The following SLC38A7 variants were observed in gnomAD, a reference collection of about 807,000 sequenced individuals.
The protein encoded by SLC38A7 is sodium-coupled neutral amino acid transporter 7.
SLC38A7 carries 29 observed loss-of-function variants against 50.1 expected under a neutral mutation model. The ratio of observed to expected loss-of-function variants is 0.58; its 90% CI spans 0.43 to 0.79. The LOEUF (loss-of-function observed/expected upper bound fraction) is 0.79. Among genes scored for constraint, SLC38A7 ranks in the 30% least tolerant of loss-of-function variants. The pLI is 0.00. For missense variants in SLC38A7, 483 were observed against 610.6 expected (o/e 0.79, Z 2.20); for synonymous variants, 244 against 245.9 (o/e 0.99, Z 0.07).
chr16:58,682,778 C>A (rs1403441441), intron 2 of SLC38A7, among the ~76,000 whole-genome samples: 4 of 151,576 alleles, frequency 2.6e-5, no homozygotes, highest in Non-Finnish European at 5.9e-5. Context: ...ATTACAGGTG[C>A]CCGCCACCAT....
At chr16:58,676,222 G>C in intron 7 of SLC38A7, 67 bp downstream of exon 7, 1 of 1,605,834 alleles carries the variant, frequency 6.2e-7, no homozygotes. Context: ...CCTCCTCCTT[G>C]CTGGGTTCCA....
At position 58,676,109 on chromosome 16, in the gene SLC38A7, C is replaced by T. The variant is rs2044260980; in HGVS notation, c.769-55G>A. The T allele has an allele frequency of 2.5e-6, 4 of 1,586,578 alleles. No individual in the cohort carries two copies. In the East Asian group the frequency reaches 9.0e-5, roughly 36 times the overall value. Reference sequence around the variant, plus strand: ...GGGAAATGACCTCAACCCCAGTTTCCAGAGGAAGGTACCTTGGGAACAAAG... The same window carrying T: ...GGGAAATGACCTCAACCCCAGTTTCTAGAGGAAGGTACCTTGGGAACAAAG... On this transcript the variant is annotated intron_variant, in intron 7 of 11. Coordinates refer to ENST00000219320, the MANE Select transcript of SLC38A7 (RefSeq NM_018231.3).
At chr16:58,677,929 C>T (rs909806984) in intron 5 of SLC38A7, among the ~76,000 whole-genome samples, 6 of 152,016 alleles carry the variant, frequency 3.9e-5, no homozygotes, top group Admixed American at 6.6e-5. Context: ...TTTCAGACAC[C>T]GAGACAGGAA....
chr16:58,681,096 A>G (rs1022278965), intron 2 of SLC38A7, among the ~76,000 whole-genome samples: 1 of 152,212 alleles, frequency 6.6e-6, no homozygotes, highest in African/African-American at 2.4e-5. Flanking sequence ...CCAAACATGC[A>G]GTGCTGTTTG....
At chr16:58,671,295 C>T in intron 9 of SLC38A7, 51 bp from the exon 10 acceptor site, 2 of 1,576,338 alleles carry the variant, frequency 1.3e-6, no homozygotes, top group East Asian at 2.3e-5. Flanking sequence ...AGCAGCTCCC[C>T]ACCTCTAGCT....
Position 58,682,644 on chromosome 16 carries a change from T to C in SLC38A7, c.-116+1311A>G, listed in dbSNP as rs988708299. Among the ~76,000 whole-genome samples the C allele has an allele frequency of 2.0e-5, 3 of 151,800 alleles. No individual in the cohort carries two copies. The East Asian group carries it at 5.8e-4, about 30-fold the overall frequency. On this transcript the variant is annotated intron_variant, in intron 2 of 11. Transcript: ENST00000219320. ...CCAGCTAACTTTTAAAATTTTTTTT[T>C]TTTTTGAGACGGAGTCTTGCTTTGT...
chr16:58,678,758 G>C lies in SLC38A7; in HGVS notation c.407C>G (p.Ala136Gly). 6.2e-7 allele frequency: 1 copy of C among 1,614,126 alleles called. No homozygotes were observed. The highest frequency in any genetic ancestry group is 1.6e-4 in the Middle Eastern group (1 of 6,062). ...AATGCAGGTGCCAAAGGTGTAGACAGCGATGGCCACCTCACATAGCACACC... is the reference window on the plus strand; with the variant it reads ...AATGCAGGTGCCAAAGGTGTAGACACCGATGGCCACCTCACATAGCACACC... ...LTGVLCEVAIAVYTFGTCIAF... is the reference protein window; with the variant it reads ...LTGVLCEVAIGVYTFGTCIAF... The change falls in exon 4 of 12, where the codon GCT (alanine) becomes GGT (glycine). Residue 136 changes from alanine to glycine, a missense_variant. Coordinates refer to ENST00000219320, the MANE Select transcript of SLC38A7 (RefSeq NM_018231.3). The surrounding 1 kb of genome is among the most constrained non-coding windows in gnomAD (Gnocchi z 4.0).
Position 58,678,424 on chromosome 16 carries a change from T to C in SLC38A7, c.520A>G (p.Thr174Ala). 6.3e-7 allele frequency: 1 copy of C among 1,593,412 alleles called. No homozygotes were observed. The highest frequency in any genetic ancestry group is 8.6e-7 in the Non-Finnish European group (1 of 1,169,328). Residue 174 changes from threonine (T) to alanine (A), a missense_variant, in exon 5 of 12, where the codon ACA becomes GCA. Thr to Ala is a moderately conservative substitution (Grantham distance 58). Coordinates refer to ENST00000219320, the MANE Select transcript of SLC38A7 (RefSeq NM_018231.3). This position sits in a 1 kb window ranked among gnomAD's most constrained non-coding sequence, Gnocchi z 4.0. ...AGGCTGATGGTGAACTTGCGGTCTG[T>C]GTACCAAGGGCCGCTGGCCCCCTCC... The part of the protein sequence containing the change: ...EPEGASGPWY[T>A]DRKFTISLTA...
chr16:58,667,187 G>A lies in SLC38A7; in HGVS notation c.*198C>T, dbSNP rs1466804288. ...CCTGCCGCCATCCACGGCACTGCCA[G>A]GACTGGGGAGCAGGAAGGGGACTGG... On this transcript the variant is annotated 3_prime_UTR_variant, in exon 12 of 12. Transcript: ENST00000219320. 3 of 546,746 alleles carry A rather than the reference G, an allele frequency of 5.5e-6. No homozygotes were observed. The highest frequency in any genetic ancestry group is 9.7e-6 in the Non-Finnish European group (3 of 308,658). The allele number at this position is 546,746 out of a possible 1,614,324, so 33.9% of individuals were successfully genotyped here.
chr16:58,667,597 A>G (rs2044066339), intron 11 of SLC38A7, 110 bp from the exon 12 acceptor site: 1 of 825,300 alleles, frequency 1.2e-6, no homozygotes. Context: ...TCCTGTTGGT[A>G]GAGCACTTCC....
intron 8 of SLC38A7, chr16:58,675,397 C>G: frequency 5.0e-6 from 2 of 399,368 alleles, no homozygotes; most frequent in Non-Finnish European, 9.7e-6. Context: ...TGGCTGTAGT[C>G]CCAGCTACTC....
At position 58,667,212 on chromosome 16, in the gene SLC38A7, G is replaced by GA; in HGVS notation, c.*172dup. The GA allele has an allele frequency of 3.3e-6, 2 of 607,520 alleles. No individual in the cohort carries two copies. Among genetic ancestry groups the GA allele is most frequent in the Non-Finnish European group, 5.7e-6 (2 of 350,550 alleles). The allele number at this position is 607,520 out of a possible 1,614,324, so 37.6% of individuals were successfully genotyped here. A position where few individuals can be genotyped will look rare whatever the true frequency, so the allele number is the denominator to read the frequency against. On this transcript the variant is annotated 3_prime_UTR_variant, in exon 12 of 12. Transcript: ENST00000219320. ...GGACTGGGGAGCAGGAAGGGGACTG[G>GA]ATTTGAGCTGTCCAGAGGTGTGGGG... is the stretch of plus-strand genomic sequence containing the variant.
In SLC38A7 at chr16:58,667,401, A is replaced by C. The variant is rs768316255; in HGVS notation, c.1373T>G (p.Val458Gly). ...AGGCAGTGGTTATGCCAAGAGATCC[A>C]CAAAGATGGCGTTGGCTGTGGTCTG... ...FGQTTANAIF[V>G]DLLA Residue 458 changes from valine (V) to glycine (G), a missense_variant, in exon 12 of 12, where the codon GTG becomes GGG. Transcript: ENST00000219320. 6.2e-7 allele frequency: 1 copy of C among 1,614,102 alleles called. No individual in the cohort carries two copies. Among genetic ancestry groups the C allele is most frequent in the Non-Finnish European group, 8.5e-7 (1 of 1,180,036 alleles).
At position 58,676,204 on chromosome 16, in the gene SLC38A7, C is replaced by T. The variant is rs867626031; in HGVS notation, c.768+85G>A. On this transcript the variant is annotated intron_variant, in intron 7 of 11. Transcript: ENST00000219320. ...TCCCCCCAGGATTTCCTCCATTCTG[C>T]CTGGGTTCCTCCTCCTTGCTGGGTT... is the stretch of plus-strand genomic sequence containing the variant. The T allele has an allele frequency of 6.6e-5, 105 of 1,595,628 alleles. No individual in the cohort carries two copies. The Middle Eastern group carries it at 3.5e-3, about 53-fold the overall frequency.
At position 58,678,719 on chromosome 16, in the gene SLC38A7, A is replaced by G. The variant is rs1369121417; in HGVS notation, c.446T>C (p.Ile149Thr). Residue 149 changes from isoleucine (I) to threonine (T), a missense_variant, in exon 4 of 12, where the codon ATC (isoleucine) becomes ACC (threonine). By Grantham distance (89) the Ile-to-Thr change is moderately conservative. Coordinates refer to ENST00000219320, the MANE Select transcript of SLC38A7 (RefSeq NM_018231.3). This position sits in a 1 kb window ranked among gnomAD's most constrained non-coding sequence, Gnocchi z 4.0. ...ACTCTTGTCCTGCTGGTCGCCAATG[A>G]TGATTAGGAAGGCAATGCAGGTGCC... Reference protein sequence around the residue: ...TFGTCIAFLIIIGDQQDKIIA... With the variant: ...TFGTCIAFLITIGDQQDKIIA... 1 of 1,613,988 alleles carries G rather than the reference A, an allele frequency of 6.2e-7. No individual in the cohort carries two copies. The highest frequency in any genetic ancestry group is 2.2e-5 in the East Asian group (1 of 44,888).
In SLC38A7 at chr16:58,680,260, G is replaced by T; in HGVS notation, c.-115-19C>A. On this transcript the variant is annotated intron_variant, in intron 2 of 11. Transcript: ENST00000219320. Reference sequence around the variant, plus strand: ...TCTCAACCTAGATGGGACAAAGGCAGGCACTACTGTTATCCTAAGATGGGG... The same window carrying T: ...TCTCAACCTAGATGGGACAAAGGCATGCACTACTGTTATCCTAAGATGGGG... 1 of 994,758 alleles carries T rather than the reference G, an allele frequency of 1.0e-6. No homozygotes were observed. Among genetic ancestry groups the T allele is most frequent in the Non-Finnish European group, 1.4e-6 (1 of 738,666 alleles). 61.6% of individuals were successfully genotyped at this position (994,758 alleles called of 1,614,324 possible).
At chr16:58,676,959 C>A (rs576564674) in intron 6 of SLC38A7, among the ~76,000 whole-genome samples, 8 of 146,604 alleles carry the variant, frequency 5.5e-5, no homozygotes, top group Admixed American at 2.0e-4. Flanking sequence ...TGGCCCCCCC[C>A]CTTTTTTTTT....
chr16:58,667,484 C>T lies in SLC38A7; in HGVS notation c.1290G>A (p.Trp430Ter), dbSNP rs747957513. The T allele has an allele frequency of 1.2e-6, 2 of 1,608,444 alleles. No individual in the cohort carries two copies. Among genetic ancestry groups the T allele is most frequent in the Non-Finnish European group, 1.7e-6 (2 of 1,177,496 alleles). ...SEMEEVKPAS[W>*]WVLVSYGVLL... ...GGACTCCGTAGCTGACCAGCACCCA[C>T]CAGCTGTAGAACAGAGGGTGAGAGA... is the stretch of plus-strand genomic sequence containing the variant. Residue 430 changes from tryptophan (W) to a stop codon, truncating the protein, a stop_gained, in exon 12 of 12, where the codon TGG becomes TGA. Coordinates refer to ENST00000219320, the MANE Select transcript of SLC38A7 (RefSeq NM_018231.3). LOFTEE classifies it high-confidence loss of function.
rs370282423 is a variant in SLC38A7, at chr16:58,671,069, C to A, written c.1207G>T (p.Ala403Ser). Residue 403 changes from alanine to serine, a missense_variant, in exon 10 of 12, where the codon GCC becomes TCC. Ala to Ser is a moderately conservative substitution (Grantham distance 99, BLOSUM62 1). Transcript: ENST00000219320. Reference sequence around the variant, plus strand: ...CCTGGGAAGACGAAGATGAAGCAGGCGGCCAGGCCTCCAATGACTGAGATC... The same window carrying A: ...CCTGGGAAGACGAAGATGAAGCAGGAGGCCAGGCCTCCAATGACTGAGATC... ...KVISVIGGLA[A>S]CFIFVFPGLC... 8.7e-6 allele frequency: 14 copies of A among 1,607,792 alleles called. No individual in the cohort carries two copies. The highest frequency in any genetic ancestry group is 1.7e-5 in the Admixed American group (1 of 59,102).
Sources: allele counts gnomAD v4.1 joint callset (sites outside exome capture counted in the v4.1 genomes callset), GRCh38; gene constraint gnomAD v4.1.1; non-coding constraint Gnocchi (gnomAD v3.1); transcripts MANE v1.5; gene names NCBI Gene and HGNC (gene_info 2026-07-23, HGNC 2026-07-21).